TMEM132D: variants seen among roughly 807,000 people sequenced by gnomAD.
TMEM132D encodes transmembrane protein 132D.
TMEM132D carries 21 observed loss-of-function variants against 62.3 expected under a neutral mutation model. The ratio of observed to expected loss-of-function variants is 0.34; its 90% CI spans 0.24 to 0.49. The LOEUF (loss-of-function observed/expected upper bound fraction) is 0.49, where lower values mean the gene tolerates loss of function less well. Among genes scored for constraint, TMEM132D ranks in the 20% least tolerant of loss-of-function variants. The probability of loss-of-function intolerance (pLI) is 0.99; values close to 1 mark genes in which losing one functional copy is unlikely to be tolerated. For missense variants in TMEM132D, 1,346 were observed against 1,402.8 expected, an observed-to-expected ratio of 0.96 and a Z score of 0.65; for synonymous variants, 621 against 575.6, an observed-to-expected ratio of 1.08 and a Z score of -1.13.
At chr12:129,881,999 T>C (rs1409159047) in intron 1 of TMEM132D, among the ~76,000 whole-genome samples, 1 of 152,036 alleles carries the variant, frequency 6.6e-6, no homozygotes, top group East Asian at 1.9e-4. Flanking sequence ...TCATAAACAA[T>C]GTTATTTCTA....
At chr12:129,545,478 A>AT (rs1876707390) in intron 2 of TMEM132D, among the ~76,000 whole-genome samples, 1 of 152,156 alleles carries the variant, frequency 6.6e-6, no homozygotes, top group Admixed American at 6.5e-5. Flanking sequence ...AACAGTTAAC[A>AT]TGAGATCTAT....
At chr12:129,207,051 C>A (rs1034135616) in intron 5 of TMEM132D, among the ~76,000 whole-genome samples, 1 of 152,080 alleles carries the variant, frequency 6.6e-6, no homozygotes, top group Non-Finnish European at 1.5e-5. Flanking sequence ...CCCTGTGACA[C>A]GCAGGTGACC....
At chr12:129,659,316 T>C (rs571239288) in intron 2 of TMEM132D, among the ~76,000 whole-genome samples, 9 of 152,152 alleles carry the variant, frequency 5.9e-5, no homozygotes, top group Non-Finnish European at 1.3e-4. Flanking sequence ...CAGTGATAGA[T>C]AACCAGAATG....
At chr12:129,859,765 T>C (rs377340266) in intron 1 of TMEM132D, among the ~76,000 whole-genome samples, 1 of 152,202 alleles carries the variant, frequency 6.6e-6, no homozygotes, top group African/African-American at 2.4e-5. Flanking sequence ...ATTCTTGGAC[T>C]TACACCAGTG....
intron 2 of TMEM132D, chr12:129,681,285 C>T (rs1204572384): frequency 7.2e-5 from 11 of 152,178 alleles, no homozygotes; most frequent in Admixed American, 7.2e-4. Flanking sequence ...TTTAAAATGC[C>T]ACAGCTTTAT....
intron 5 of TMEM132D, among the ~76,000 whole-genome samples, chr12:129,203,125 C>T (rs1031467823): frequency 2.6e-5 from 4 of 152,186 alleles, no homozygotes; most frequent in African/African-American, 7.2e-5. Flanking sequence ...CGCTGAGTGT[C>T]AGCCAACTAC....
At chr12:129,734,282 C>T (rs1469874366) in intron 1 of TMEM132D, among the ~76,000 whole-genome samples, 1 of 152,168 alleles carries the variant, frequency 6.6e-6, no homozygotes, top group Admixed American at 6.5e-5. Flanking sequence ...ACCATGATGT[C>T]CAAAAGAACC....
chr12:129,673,391 T>G lies in TMEM132D; in HGVS notation c.968+26419A>C, dbSNP rs1292018754. ...TGACTGGATCTGGGTAACGTACAGA[T>G]CCGTTTTTCCATTCTACTTTCATAC... On this transcript the variant is annotated intron_variant, in intron 2 of 8. Coordinates refer to ENST00000422113, the MANE Select transcript of TMEM132D (RefSeq NM_133448.3). 2.6e-5 allele frequency among the ~76,000 whole-genome samples: 4 copies of G among 152,316 alleles called. No homozygotes were observed. In the East Asian group the frequency reaches 7.7e-4, roughly 29 times the overall value.
chr12:129,902,273 C>T (rs1875384805), intron 1 of TMEM132D, among the ~76,000 whole-genome samples: 1 of 152,142 alleles, frequency 6.6e-6, no homozygotes, highest in South Asian at 2.1e-4. Flanking sequence ...GAGATCTCAT[C>T]TCAAAAATCT....
intron 3 of TMEM132D, among the ~76,000 whole-genome samples, chr12:129,343,588 A>T (rs79532452): frequency 0.034 from 5,225 of 151,962 alleles, 379 homozygotes; most frequent in East Asian, 0.32. Flanking sequence ...TAATAAAATT[A>T]AAAAAAAGAC....
At chr12:129,286,873 C>T (rs560812807) in intron 4 of TMEM132D, among the ~76,000 whole-genome samples, 1 of 152,112 alleles carries the variant, frequency 6.6e-6, no homozygotes, top group African/African-American at 2.4e-5. Context: ...CATGGTGAAA[C>T]CCCGTCTCTA....
chr12:129,726,526 G>A (rs1219594095), intron 1 of TMEM132D, among the ~76,000 whole-genome samples: 2 of 152,170 alleles, frequency 1.3e-5, no homozygotes, highest in Non-Finnish European at 2.9e-5. Context: ...ACATGGTCAT[G>A]GGCCAGATCA....
chr12:129,380,827 C>A (rs1870929106), intron 3 of TMEM132D, among the ~76,000 whole-genome samples: 1 of 152,158 alleles, frequency 6.6e-6, no homozygotes, highest in African/African-American at 2.4e-5. Flanking sequence ...CAGTATGTAA[C>A]CTTTTAGAAC....
At chr12:129,818,210 G>A (rs1166018803) in intron 1 of TMEM132D, among the ~76,000 whole-genome samples, 1 of 142,230 alleles carries the variant, frequency 7.0e-6, no homozygotes, top group African/African-American at 2.6e-5. Context: ...GTGCCTATGA[G>A]TGTGTATCTG....
intron 2 of TMEM132D, among the ~76,000 whole-genome samples, chr12:129,657,964 A>G (rs1039693841): frequency 1.3e-5 from 2 of 152,226 alleles, no homozygotes; most frequent in African/African-American, 4.8e-5. Flanking sequence ...TTGCAGAGTA[A>G]GCAAATCAGA....
intron 1 of TMEM132D, among the ~76,000 whole-genome samples, chr12:129,812,366 A>G (rs1259263650): frequency 1.3e-5 from 2 of 151,810 alleles, no homozygotes; most frequent in Non-Finnish European, 2.9e-5. Flanking sequence ...TAAATTTGCC[A>G]GGATGGGTTA....
At chr12:129,780,351 G>A (rs913165426) in intron 1 of TMEM132D, among the ~76,000 whole-genome samples, 5 of 146,556 alleles carry the variant, frequency 3.4e-5, no homozygotes, top group Non-Finnish European at 7.5e-5. Context: ...GGGGGGGGCC[G>A]GGGGGGCACA....
chr12:129,497,218 G>A (rs1055003447), intron 3 of TMEM132D, among the ~76,000 whole-genome samples: 6 of 152,176 alleles, frequency 3.9e-5, no homozygotes, highest in Non-Finnish European at 7.4e-5. Flanking sequence ...TGAGGCAGGA[G>A]AATCACTTGA....
chr12:129,244,018 G>A (rs1055319156), intron 4 of TMEM132D, among the ~76,000 whole-genome samples: 5 of 152,110 alleles, frequency 3.3e-5, no homozygotes, highest in Non-Finnish European at 5.9e-5. Flanking sequence ...TGTGTTGGAC[G>A]GAGGTGCTAT....
Sources: gnomAD v4.1 joint callset for allele counts (sites outside exome capture counted in the v4.1 genomes callset) on GRCh38, gnomAD v4.1.1 for gene constraint, MANE v1.5 for transcripts, NCBI Gene and HGNC (gene_info 2026-07-23, HGNC 2026-07-21) for gene names.